Variants in SIPA1L2 observed in about 807,000 individuals in gnomAD.
The protein encoded by SIPA1L2 is signal-induced proliferation-associated 1-like protein 2.
Under a neutral mutation model 163.9 loss-of-function variants are expected in SIPA1L2, and 56 were observed. The observed-to-expected ratio is 0.34, with a 90% CI of 0.28 to 0.43. The LOEUF (loss-of-function observed/expected upper bound fraction) is 0.43, where lower values mean the gene tolerates loss of function less well. SIPA1L2 is among the 20% of genes least tolerant of loss of function. SIPA1L2 has a pLI of 1.00. For missense variants in SIPA1L2, 1,974 were observed against 2,193.5 expected (o/e 0.90, Z 2.00); for synonymous variants, 877 against 865.7 (o/e 1.01, Z -0.23).
At chr1:232,484,509 A>G (rs1229855966) in intron 5 of SIPA1L2, among the ~76,000 whole-genome samples, 1 of 152,224 alleles carries the variant, frequency 6.6e-6, no homozygotes, top group Non-Finnish European at 1.5e-5. Flanking sequence ...ATATATGTAT[A>G]CAAACATTAA....
At chr1:232,515,739 C>T (rs16857511) in intron 2 of SIPA1L2, 131 bp from the exon 3 acceptor site, 2,363 of 170,764 alleles carry the variant, frequency 0.014, 65 homozygotes, top group African/African-American at 0.053. Context: ...CAGCACTGTT[C>T]GTAACACTCC....
At chr1:232,552,882 T>C (rs886957717) in intron 2 of SIPA1L2, among the ~76,000 whole-genome samples, 1 of 152,174 alleles carries the variant, frequency 6.6e-6, no homozygotes, top group African/African-American at 2.4e-5. Flanking sequence ...AGGGGGAGCA[T>C]GCACACAGGC....
chr1:232,575,657 C>T (rs1406883200), intron 1 of SIPA1L2, among the ~76,000 whole-genome samples: 1 of 152,106 alleles, frequency 6.6e-6, no homozygotes, highest in Non-Finnish European at 1.5e-5. Context: ...TATAACCCAG[C>T]AATTCTACTT....
intron 1 of SIPA1L2, among the ~76,000 whole-genome samples, chr1:232,592,290 C>T (rs1661009723): frequency 6.6e-6 from 1 of 152,146 alleles, no homozygotes; most frequent in African/African-American, 2.4e-5. Context: ...AATAATTAGC[C>T]ATGAAGACAA....
At chr1:232,534,080 A>C (rs1433292055) in intron 2 of SIPA1L2, among the ~76,000 whole-genome samples, 1 of 151,894 alleles carries the variant, frequency 6.6e-6, no homozygotes, top group Non-Finnish European at 1.5e-5. Context: ...CCAAATAGCC[A>C]AAACAATCTT....
intron 2 of SIPA1L2, among the ~76,000 whole-genome samples, chr1:232,555,709 T>C (rs985682051): frequency 3.9e-5 from 6 of 152,224 alleles, no homozygotes; most frequent in Non-Finnish European, 7.3e-5. Context: ...ACGGAGCCTA[T>C]GCAGTCTTTG....
At chr1:232,477,992 T>C (rs1665133352) in intron 7 of SIPA1L2, among the ~76,000 whole-genome samples, 1 of 152,210 alleles carries the variant, frequency 6.6e-6, no homozygotes, top group Non-Finnish European at 1.5e-5. Flanking sequence ...GAGTAACCCC[T>C]ATCAGTTTTC....
At chr1:232,438,147 G>C (rs1042474330) in intron 15 of SIPA1L2, among the ~76,000 whole-genome samples, 4 of 152,084 alleles carry the variant, frequency 2.6e-5, no homozygotes, top group Non-Finnish European at 4.4e-5. Context: ...GGAGCCTGAG[G>C]AACATAAAAA....
intron 12 of SIPA1L2, 45 bp from the exon 13 acceptor site, chr1:232,441,913 A>C (rs1478497882): frequency 3.3e-6 from 5 of 1,529,984 alleles, no homozygotes; most frequent in Non-Finnish European, 4.5e-6. Context: ...CAACCGTGCC[A>C]CCTGCCAGCA....
chr1:232,441,519 G>T, intron 13 of SIPA1L2, 125 bp from the exon 14 acceptor site: 1 of 870,602 alleles, frequency 1.1e-6, no homozygotes, highest in Non-Finnish European at 1.9e-6. Flanking sequence ...GGACTTTCTG[G>T]TCTTACCAAT....
intron 1 of SIPA1L2, among the ~76,000 whole-genome samples, chr1:232,576,802 A>G (rs532382299): frequency 2.9e-4 from 44 of 152,306 alleles, no homozygotes; most frequent in African/African-American, 1.1e-3. Context: ...ATACGGGGAA[A>G]GTTTGAGTGT....
At chr1:232,425,321 T>C (rs542649724) in intron 18 of SIPA1L2, among the ~76,000 whole-genome samples, 1 of 152,254 alleles carries the variant, frequency 6.6e-6, no homozygotes, top group East Asian at 1.9e-4. Flanking sequence ...AGCTGAGATA[T>C]GATGCAGAAG....
chr1:232,478,101 T>A (rs1200134160), intron 7 of SIPA1L2, among the ~76,000 whole-genome samples: 1 of 152,240 alleles, frequency 6.6e-6, no homozygotes, highest in Non-Finnish European at 1.5e-5. Context: ...ATCCAGTGAA[T>A]CTGCTCGGCA....
intron 6 of SIPA1L2, among the ~76,000 whole-genome samples, chr1:232,483,338 TC>T (rs1486742652): frequency 6.6e-6 from 1 of 151,984 alleles, no homozygotes; most frequent in Non-Finnish European, 1.5e-5. Context: ...CGCTTTTTAA[TC>T]ACTGTTCCAC....
chr1:232,431,203 G>C (rs1662218800), intron 16 of SIPA1L2, among the ~76,000 whole-genome samples: 2 of 152,106 alleles, frequency 1.3e-5, no homozygotes, highest in Non-Finnish European at 2.9e-5. Context: ...GCACTCAGAA[G>C]ACTCTTATTA....
chr1:232,626,879 T>C (rs1663104652), intron 1 of SIPA1L2, among the ~76,000 whole-genome samples: 1 of 152,152 alleles, frequency 6.6e-6, no homozygotes, highest in Admixed American at 6.5e-5. Flanking sequence ...TCCAAATTCA[T>C]TTGTGACAGG....
intron 3 of SIPA1L2, among the ~76,000 whole-genome samples, chr1:232,502,780 A>C (rs1271134088): frequency 6.6e-6 from 1 of 152,240 alleles, no homozygotes; most frequent in African/African-American, 2.4e-5. Context: ...CAAAGAATAC[A>C]GTAGGTTACC....
intron 2 of SIPA1L2, among the ~76,000 whole-genome samples, chr1:232,520,090 C>G (rs1364199875): frequency 6.6e-6 from 1 of 152,210 alleles, no homozygotes; most frequent in African/African-American, 2.4e-5. Flanking sequence ...ACGGAGTTTG[C>G]CTTCGAATGA....
At chr1:232,597,463 G>A (rs1158265111) in intron 1 of SIPA1L2, among the ~76,000 whole-genome samples, 1 of 151,178 alleles carries the variant, frequency 6.6e-6, no homozygotes, top group African/African-American at 2.4e-5. Flanking sequence ...GGATCACAAG[G>A]TCAGGAGATC....
Sources: allele counts gnomAD v4.1 joint callset (sites outside exome capture counted in the v4.1 genomes callset), GRCh38; gene constraint gnomAD v4.1.1; transcripts MANE v1.5; gene names NCBI Gene and HGNC (gene_info 2026-07-23, HGNC 2026-07-21).